The following RNF32 variants were observed in gnomAD, a reference collection of about 807,000 sequenced individuals.
RNF32 encodes ring finger protein 32.
In RNF32, 36 loss-of-function variants were observed where a neutral mutation model predicts 41.0. The observed-to-expected ratio is 0.88, with a 90% CI of 0.67 to 1.16. RNF32 has a LOEUF of 1.16. Ranked by LOEUF, RNF32 falls within the 50% of genes most tolerant of loss-of-function variation. The pLI, the probability that RNF32 is intolerant of heterozygous loss-of-function variation, is 0.00. For synonymous variants in RNF32, 154 were observed against 160.9 expected, an observed-to-expected ratio of 0.96 and a Z score of 0.32; for missense variants, 413 against 436.7, an observed-to-expected ratio of 0.95 and a Z score of 0.48.
At chr7:156,652,220 T>A (rs1798840377) in intron 3 of RNF32, among the ~76,000 whole-genome samples, 2 of 152,214 alleles carry the variant, frequency 1.3e-5, no homozygotes, top group South Asian at 4.2e-4. Context: ...TGTGGATGAG[T>A]CTGATGCAGT....
At chr7:156,662,488 C>T (rs1214515779) in intron 7 of RNF32, among the ~76,000 whole-genome samples, 1 of 152,042 alleles carries the variant, frequency 6.6e-6, no homozygotes, top group East Asian at 1.9e-4. Context: ...GTGGGTATTT[C>T]CAGATGAGCT....
At chr7:156,668,686 C>T (rs927485394) in intron 7 of RNF32, among the ~76,000 whole-genome samples, 13 of 152,334 alleles carry the variant, frequency 8.5e-5, no homozygotes, top group African/African-American at 1.7e-4. Context: ...CGCTTTCCAT[C>T]GTCAGCGGGG....
chr7:156,670,435 T>C lies in RNF32; in HGVS notation c.685-5261T>C, dbSNP rs939555792. The stretch of plus-strand genomic sequence containing the variant: ...TGGCGCAGGATGTCACTGTCAGAAT[T>C]TGAAGAGAAAAGAGAACACGTGGGA... On this transcript the variant is annotated intron_variant, in intron 7 of 8. Coordinates refer to ENST00000317955, the MANE Select transcript of RNF32 (RefSeq NM_030936.4). This position sits in a 1 kb window ranked among gnomAD's most constrained non-coding sequence, Gnocchi z 4.3. Among the ~76,000 whole-genome samples, 3 of 152,078 alleles carry C rather than the reference T, an allele frequency of 2.0e-5. No individual in the cohort carries two copies. The highest frequency in any genetic ancestry group is 4.4e-5 in the Non-Finnish European group (3 of 68,014).
At chr7:156,655,633 A>G (rs1293772574) in intron 4 of RNF32, among the ~76,000 whole-genome samples, 2 of 152,240 alleles carry the variant, frequency 1.3e-5, no homozygotes, top group Non-Finnish European at 2.9e-5. Context: ...AAAGCTCACA[A>G]CAGTTACACT....
At chr7:156,664,317 C>T (rs770534056) in intron 7 of RNF32, among the ~76,000 whole-genome samples, 1 of 152,054 alleles carries the variant, frequency 6.6e-6, no homozygotes, top group African/African-American at 2.4e-5. Context: ...CAATATTAGC[C>T]GGGCGTGGTG....
At chr7:156,667,885 TA>T (rs1801597748) in intron 7 of RNF32, among the ~76,000 whole-genome samples, 1 of 152,216 alleles carries the variant, frequency 6.6e-6, no homozygotes, top group African/African-American at 2.4e-5. Flanking sequence ...ATTAATAAGC[TA>T]ATGTCAATGT....
chr7:156,673,700 C>T (rs1045989392), intron 7 of RNF32, among the ~76,000 whole-genome samples: 4 of 152,096 alleles, frequency 2.6e-5, no homozygotes, highest in African/African-American at 9.7e-5. Flanking sequence ...TCAAAAGGAC[C>T]TCTCATCCTT....
chr7:156,652,285 C>T (rs531401695), intron 3 of RNF32, among the ~76,000 whole-genome samples: 2 of 152,144 alleles, frequency 1.3e-5, no homozygotes, highest in African/African-American at 4.8e-5. Context: ...TTTCTGTCTC[C>T]GAGATTCTCA....
At chr7:156,660,620 A>AT in intron 7 of RNF32, among the ~76,000 whole-genome samples, 1 of 152,312 alleles carries the variant, frequency 6.6e-6, no homozygotes, top group Non-Finnish European at 1.5e-5. Flanking sequence ...GTTAGCTGGG[A>AT]TTATAGGCAA....
intron 7 of RNF32, among the ~76,000 whole-genome samples, chr7:156,667,056 G>T (rs1801437215): frequency 6.6e-6 from 1 of 152,158 alleles, no homozygotes; most frequent in African/African-American, 2.4e-5. Flanking sequence ...CAGCATAATG[G>T]TCTTAAAGTT....
At chr7:156,676,257 G>GTA (rs879194369) in intron 8 of RNF32, 162 bp from the exon 9 acceptor site, 7 of 1,430,384 alleles carry the variant, frequency 4.9e-6, no homozygotes, top group East Asian at 5.0e-5. Flanking sequence ...ATATATATAT[G>GTA]TATATATATA....
In RNF32 at chr7:156,676,498, G is replaced by A. The variant is rs1387895095; in HGVS notation, c.932G>A (p.Gly311Asp). Reference sequence around the variant, plus strand: ...GCTGGCGGTCAGCGCGTGGGTGCAGGCAGGCGTTCCAGAGAGATGGCCCTC... The same window carrying A: ...GCTGGCGGTCAGCGCGTGGGTGCAGACAGGCGTTCCAGAGAGATGGCCCTC... The part of the protein sequence containing the change: ...SAAGGQRVGA[G>D]RRSREMALLS... The change falls in exon 9 of 9, where the codon GGC (glycine) becomes GAC (aspartate). Residue 311 changes from glycine (G) to aspartate (D), a missense_variant. Coordinates refer to ENST00000317955, the MANE Select transcript of RNF32 (RefSeq NM_030936.4). 1 of 1,613,910 alleles carries A rather than the reference G, an allele frequency of 6.2e-7. No homozygotes were observed. The highest frequency in any genetic ancestry group is 2.2e-5 in the East Asian group (1 of 44,876).
At chr7:156,671,406 T>C (rs1034767923) in intron 7 of RNF32, among the ~76,000 whole-genome samples, 2 of 152,216 alleles carry the variant, frequency 1.3e-5, no homozygotes, top group Non-Finnish European at 2.9e-5. Flanking sequence ...GCTGATGTGC[T>C]GATACCTGAC....
intron 8 of RNF32, 144 bp from the exon 9 acceptor site, chr7:156,676,275 T>C (rs1371336335): frequency 3.9e-6 from 6 of 1,556,258 alleles, no homozygotes; most frequent in Admixed American, 3.9e-5. Flanking sequence ...ATAAATAAAA[T>C]GCATGTGATT....
chr7:156,667,787 T>G (rs1481798320), intron 7 of RNF32, among the ~76,000 whole-genome samples: 1 of 152,244 alleles, frequency 6.6e-6, no homozygotes, highest in Non-Finnish European at 1.5e-5. Flanking sequence ...CTTGCTAACT[T>G]CTGAATACTC....
At chr7:156,661,921 C>A (rs549166979) in intron 7 of RNF32, among the ~76,000 whole-genome samples, 1 of 152,108 alleles carries the variant, frequency 6.6e-6, no homozygotes, top group Non-Finnish European at 1.5e-5. Flanking sequence ...TGGGGAGGAA[C>A]AGATGTATAC....
Position 156,644,747 on chromosome 7 carries a change from G to A in RNF32, c.264G>A (p.Pro88=), listed in dbSNP as rs199882571. ...KEYVLDPKPP[P]LTLAQKLGLI... Reference sequence around the variant, plus strand: ...ATGTTCTTGATCCCAAACCGCCGCCGTTGACTTTGGGTAAGCTGACGTAGT... The same window carrying A: ...ATGTTCTTGATCCCAAACCGCCGCCATTGACTTTGGGTAAGCTGACGTAGT... The change falls in exon 3 of 9, where the codon CCG becomes CCA. Residue 88 remains proline, a synonymous_variant. Transcript: ENST00000317955. 75 of 1,606,816 alleles carry A rather than the reference G, an allele frequency of 4.7e-5. No individual in the cohort carries two copies. The highest frequency in any genetic ancestry group is 2.2e-4 in the East Asian group (10 of 44,848).
rs760068857 is a variant in RNF32 at position 156,644,565 on chromosome 7, G to A, written c.82G>A (p.Asp28Asn). The A allele has an allele frequency of 8.1e-6, 13 of 1,612,428 alleles. No homozygotes were observed. The South Asian group carries it at 1.4e-4, about 18-fold the overall frequency. Residue 28 changes from aspartate (D) to asparagine (N), a missense_variant, in exon 3 of 9, where the codon GAT (aspartate) becomes AAT (asparagine). Coordinates refer to ENST00000317955, the MANE Select transcript of RNF32 (RefSeq NM_030936.4). ...TGCTTTACAAGATCACATTTTACAT[G>A]ATCTTCAACTTCGAAATCTTTCAGT... ...AVALQDHILH[D>N]LQLRNLSVAD...
chr7:156,671,504 T>C (rs1396068989), intron 7 of RNF32, among the ~76,000 whole-genome samples: 1 of 152,210 alleles, frequency 6.6e-6, no homozygotes, highest in African/African-American at 2.4e-5. Flanking sequence ...TCTTTCAAAG[T>C]ACAAATATAT....
Sources: allele counts gnomAD v4.1 joint callset (sites outside exome capture counted in the v4.1 genomes callset), GRCh38; gene constraint gnomAD v4.1.1; non-coding constraint Gnocchi (gnomAD v3.1); transcripts MANE v1.5; gene names NCBI Gene and HGNC (gene_info 2026-07-23, HGNC 2026-07-21).